The following HERC1 variants were observed in gnomAD, a reference collection of about 807,000 sequenced individuals.
HERC1 encodes the protein probable E3 ubiquitin-protein ligase HERC1.
In HERC1, 160 loss-of-function variants were observed where a neutral mutation model predicts 554.3. The observed-to-expected ratio is 0.29, with a 90% CI of 0.25 to 0.33. HERC1 has a LOEUF of 0.33. HERC1 is among the 10% of genes least tolerant of loss of function. HERC1 has a pLI of 1.00. For missense variants in HERC1, 4,919 were observed against 5,918.5 expected (o/e 0.83, Z 5.54); for synonymous variants, 2,175 against 2,131.7 (o/e 1.02, Z -0.56).
chr15:63,619,067 T>G (rs572135031), intron 74 of HERC1, among the ~76,000 whole-genome samples: 1 of 152,324 alleles, frequency 6.6e-6, no homozygotes, highest in East Asian at 1.9e-4. Context: ...CATCCCTCTC[T>G]TGTGCCAGTT....
intron 25 of HERC1, among the ~76,000 whole-genome samples, chr15:63,700,722 A>G (rs1028753403): frequency 4.0e-5 from 6 of 151,196 alleles, no homozygotes; most frequent in African/African-American, 1.5e-4. Flanking sequence ...AAAAAAAAAA[A>G]AAAAAAAAGC....
chr15:63,616,349 T>A, intron 75 of HERC1, 81 bp downstream of exon 75: 1 of 1,421,540 alleles, frequency 7.0e-7, no homozygotes, highest in South Asian at 1.3e-5. Context: ...GAAGACTGTA[T>A]CTCAATTTTA....
chr15:63,689,215 A>G (rs2071964155), intron 33 of HERC1, among the ~76,000 whole-genome samples: 4 of 152,250 alleles, frequency 2.6e-5, no homozygotes, highest in Admixed American at 2.6e-4. Context: ...AGGATACACT[A>G]TATTTAGCAA....
chr15:63,666,187 G>A, intron 41 of HERC1, 37 bp from the exon 42 acceptor site: 1 of 1,541,738 alleles, frequency 6.5e-7, no homozygotes, highest in Non-Finnish European at 8.8e-7. Flanking sequence ...CTGACTTTGG[G>A]CAAAGAATTA....
At position 63,674,432 on chromosome 15, in the gene HERC1, ATCCCAATGCTC is replaced by A. The variant is rs1376169171; in HGVS notation, c.7745_7755del (p.Arg2582IlefsTer3). On this transcript the variant is annotated frameshift_variant, in exon 38 of 78. Transcript: ENST00000443617. LOFTEE classifies it high-confidence loss of function. ...GCTTGCGCTCGTTCCAGATCAGCTA[ATCCCAATGCTC>A]TCTTTATGGGTGACCGCATGACTGC... The A allele has an allele frequency of 6.2e-7, 1 of 1,613,942 alleles. No homozygotes were observed. The highest frequency in any genetic ancestry group is 1.1e-5 in the South Asian group (1 of 91,076).
At chr15:63,717,276 A>C (rs768850550) in intron 21 of HERC1, among the ~76,000 whole-genome samples, 1 of 152,206 alleles carries the variant, frequency 6.6e-6, no homozygotes. Flanking sequence ...AAATTAATAC[A>C]TTTCATGGAC....
chr15:63,640,462 G>T lies in HERC1; in HGVS notation c.11608-17C>A. The stretch of plus-strand genomic sequence containing the variant: ...CACATGAGGCTAAAACAAAATACAA[G>T]GATATAATATGTCAAAGAGTTTGTG... On this transcript the variant is annotated splice_polypyrimidine_tract_variant and intron_variant, in intron 60 of 77. Coordinates refer to ENST00000443617, the MANE Select transcript of HERC1 (RefSeq NM_003922.4). 1 of 1,594,756 alleles carries T rather than the reference G, an allele frequency of 6.3e-7. No homozygotes were observed. The highest frequency in any genetic ancestry group is 8.6e-7 in the Non-Finnish European group (1 of 1,164,758).
At chr15:63,719,958 C>A (rs1207816591) in intron 19 of HERC1, among the ~76,000 whole-genome samples, 1 of 151,470 alleles carries the variant, frequency 6.6e-6, no homozygotes, top group Non-Finnish European at 1.5e-5. Flanking sequence ...GTATTTGATG[C>A]CATAAAAGTA....
Position 63,666,064 on chromosome 15 carries a change from G to C in HERC1, c.8410C>G (p.Pro2804Ala). The C allele has an allele frequency of 6.2e-7, 1 of 1,614,010 alleles. No individual in the cohort carries two copies. Among genetic ancestry groups the C allele is most frequent in the Non-Finnish European group, 8.5e-7 (1 of 1,179,872 alleles). The stretch of plus-strand genomic sequence containing the variant: ...GAGTCTGCTGTGCTGCCCGACTGGG[G>C]CTCCTCTTCATCCTCATGCCCAGGG... ...EHPGHEDEEE[P>A]QSGSTADSRP... The change falls in exon 42 of 78, where the codon CCC becomes GCC. Residue 2804 changes from proline (P) to alanine (A), a missense_variant. Pro to Ala is a conservative substitution (Grantham distance 27). Around this residue, in one of 11 missense-constraint regions of HERC1, gnomAD observed 1,963 missense variants for 2,228.6 expected, o/e 0.88. Transcript: ENST00000443617.
At chr15:63,632,056 G>A (rs1395857144) in intron 68 of HERC1, among the ~76,000 whole-genome samples, 1 of 152,070 alleles carries the variant, frequency 6.6e-6, no homozygotes, top group East Asian at 1.9e-4. Flanking sequence ...TAGCCTAGTG[G>A]ACATTTCCAC....
At chr15:63,616,378 T>C in intron 75 of HERC1, 52 bp downstream of exon 75, 2 of 1,554,084 alleles carry the variant, frequency 1.3e-6, no homozygotes, top group Admixed American at 1.9e-5. Flanking sequence ...AATTCTAGTC[T>C]GTGCATATAG....
At chr15:63,643,829 C>G (rs964533551) in intron 57 of HERC1, among the ~76,000 whole-genome samples, 1 of 152,216 alleles carries the variant, frequency 6.6e-6, no homozygotes, top group African/African-American at 2.4e-5. Flanking sequence ...AATTATCCCT[C>G]AGAGACAGGA....
chr15:63,731,465 T>C (rs55820694), intron 14 of HERC1, among the ~76,000 whole-genome samples: 1 of 152,376 alleles, frequency 6.6e-6, no homozygotes, highest in African/African-American at 2.4e-5. Flanking sequence ...CTTTCAACTT[T>C]GTTGTAACAT....
At chr15:63,657,431 T>C (rs1280034229) in intron 48 of HERC1, among the ~76,000 whole-genome samples, 1 of 152,166 alleles carries the variant, frequency 6.6e-6, no homozygotes, top group Non-Finnish European at 1.5e-5. Flanking sequence ...ATTGGCCATT[T>C]GGAGATCCTC....
At chr15:63,735,205 A>T (rs912553473) in intron 12 of HERC1, among the ~76,000 whole-genome samples, 1 of 152,070 alleles carries the variant, frequency 6.6e-6, no homozygotes, top group African/African-American at 2.4e-5. Flanking sequence ...CTGAGCAAGA[A>T]AGTATAAATG....
At chr15:63,740,615 T>C (rs2074756227) in intron 12 of HERC1, among the ~76,000 whole-genome samples, 1 of 152,230 alleles carries the variant, frequency 6.6e-6, no homozygotes. Flanking sequence ...TTACTGTCAC[T>C]TAGTGGGTGT....
chr15:63,800,035 G>A (rs571247842), intron 1 of HERC1, among the ~76,000 whole-genome samples: 6 of 152,164 alleles, frequency 3.9e-5, no homozygotes, highest in Non-Finnish European at 8.8e-5. Context: ...TGGGGAGGCT[G>A]AGGCAGGAGG....
intron 1 of HERC1, among the ~76,000 whole-genome samples, chr15:63,828,717 A>G (rs1213790842): frequency 6.6e-6 from 1 of 152,176 alleles, no homozygotes; most frequent in African/African-American, 2.4e-5. Flanking sequence ...AAAAAATAAT[A>G]ATAATTAAAA....
In HERC1 at chr15:63,718,459, C is replaced by A; in HGVS notation, c.3978+115G>T. 2.3e-6 allele frequency: 2 copies of A among 871,302 alleles called. No individual in the cohort carries two copies. Among genetic ancestry groups the A allele is most frequent in the Non-Finnish European group, 1.7e-6 (1 of 602,116 alleles). The allele number at this position is 871,302 out of a possible 1,614,324, so 54.0% of individuals were successfully genotyped here. A position where few individuals can be genotyped will look rare whatever the true frequency, so the allele number is the denominator to read the frequency against. On this transcript the variant is annotated intron_variant, in intron 21 of 77. Coordinates refer to ENST00000443617, the MANE Select transcript of HERC1 (RefSeq NM_003922.4). The surrounding 1 kb of genome is among the most constrained non-coding windows in gnomAD (Gnocchi z 4.2). Reference sequence around the variant, plus strand: ...TTCTGCTAGGAAAAGAACTACTCAACATGTATTGAACATATGCAATAACCA... The same window carrying A: ...TTCTGCTAGGAAAAGAACTACTCAAAATGTATTGAACATATGCAATAACCA...
Sources: gnomAD v4.1 joint callset for allele counts (sites outside exome capture counted in the v4.1 genomes callset) on GRCh38, gnomAD v4.1.1 for gene constraint, gnomAD v4.1.1 regional missense constraint, Gnocchi (gnomAD v3.1) non-coding constraint, MANE v1.5 for transcripts, NCBI Gene and HGNC (gene_info 2026-07-23, HGNC 2026-07-21) for gene names.